Variants in HDGFL3 observed in about 807,000 individuals in gnomAD.
The protein encoded by HDGFL3 is hepatoma-derived growth factor-related protein 3.
A neutral mutation model predicts 27.6 loss-of-function variants in HDGFL3; 6 were observed. That is an observed-to-expected ratio of 0.22 (90% CI 0.12 to 0.43). The LOEUF (loss-of-function observed/expected upper bound fraction) is 0.43. HDGFL3 is among the 20% of genes least tolerant of loss of function. The pLI is 1.00. For missense variants in HDGFL3, 207 were observed against 250.1 expected, an observed-to-expected ratio of 0.83 and a Z score of 1.16; for synonymous variants, 88 against 88.9, an observed-to-expected ratio of 0.99 and a Z score of 0.05.
At chr15:83,177,031 C>A (rs1343831176) in intron 1 of HDGFL3, among the ~76,000 whole-genome samples, 2 of 141,294 alleles carry the variant, frequency 1.4e-5, no homozygotes, top group Non-Finnish European at 3.1e-5. Context: ...AATTCTCCTG[C>A]CTCAGCCGCC....
intron 5 of HDGFL3, among the ~76,000 whole-genome samples, chr15:83,147,229 A>G (rs1417284742): frequency 1.3e-5 from 2 of 151,788 alleles, no homozygotes; most frequent in Admixed American, 1.3e-4. Flanking sequence ...CACTCAGCCA[A>G]TTTTTGTATT....
At chr15:83,176,120 A>G (rs1343244623) in intron 1 of HDGFL3, among the ~76,000 whole-genome samples, 2 of 152,220 alleles carry the variant, frequency 1.3e-5, no homozygotes, top group Non-Finnish European at 2.9e-5. Context: ...GCCCTTTGAG[A>G]TCTAGATTGC....
intron 1 of HDGFL3, among the ~76,000 whole-genome samples, chr15:83,188,682 C>T (rs72758319): frequency 0.07 from 10,700 of 152,144 alleles, 500 homozygotes; most frequent in Admixed American, 0.13. Context: ...CCTATCTTAC[C>T]ATCCACTTCT....
intron 3 of HDGFL3, chr15:83,122,001 T>C: frequency 6.2e-7 from 1 of 1,609,040 alleles, no homozygotes. Context: ...GGAAACATTG[T>C]AGGTAAGAAA....
chr15:83,148,807 T>C (rs11852496), intron 5 of HDGFL3, among the ~76,000 whole-genome samples: 37,288 of 151,888 alleles, frequency 0.25, 4,808 homozygotes, highest in African/African-American at 0.31. Context: ...GAGTGAATGT[T>C]ATAAGTTTTT....
At chr15:83,193,981 G>A (rs2037542047) in intron 1 of HDGFL3, among the ~76,000 whole-genome samples, 1 of 152,044 alleles carries the variant, frequency 6.6e-6, no homozygotes, top group Admixed American at 6.5e-5. Flanking sequence ...TCTTTCCTGG[G>A]CAAAGCCAAG....
intron 5 of HDGFL3, 65 bp from the exon 6 acceptor site, chr15:83,139,340 C>T: frequency 1.0e-6 from 1 of 990,756 alleles, no homozygotes; most frequent in Admixed American, 2.8e-5. Context: ...ACAATGAGAG[C>T]TATCCACACC....
At chr15:83,151,677 G>A (rs1361538007) in intron 4 of HDGFL3, among the ~76,000 whole-genome samples, 1 of 152,174 alleles carries the variant, frequency 6.6e-6, no homozygotes, top group Non-Finnish European at 1.5e-5. Flanking sequence ...AATAAATACA[G>A]CTGGATGGAC....
chr15:83,116,158 C>T (rs147660106), intron 3 of HDGFL3, among the ~76,000 whole-genome samples: 17 of 152,206 alleles, frequency 1.1e-4, no homozygotes, highest in African/African-American at 3.9e-4. Flanking sequence ...TCAGCTCTCA[C>T]GGCTTCTCTC....
chr15:83,116,660 G>A lies in HDGFL3; in HGVS notation c.394-919C>T, dbSNP rs183956516. Among the ~76,000 whole-genome samples the A allele has an allele frequency of 3.3e-5, 5 of 152,328 alleles. No homozygotes were observed. In the East Asian group the frequency reaches 7.7e-4, roughly 23 times the overall value. ...AGGATGGGCTTGCAGGGAAGGGTCC[G>A]TGCCATGAGCTGGGGCACCAGTCAG... On this transcript the variant is annotated intron_variant, in intron 3 of 3. Transcript: ENST00000568294.
In HDGFL3 at chr15:83,128,633, A is replaced by C. The variant is rs757591889; in HGVS notation, c.*10637T>G. ...TCCCAGACTCCTGTATTTCATTCCA[A>C]ACTCAGTCTTTTTACTTGCATGCCT... On this transcript the variant is annotated 3_prime_UTR_variant, in exon 6 of 6. Transcript: ENST00000299633. 1 of 152,048 alleles carries C rather than the reference A, an allele frequency of 6.6e-6. No homozygotes were observed. The highest frequency in any genetic ancestry group is 1.5e-5 in the Non-Finnish European group (1 of 68,028). The allele number at this position is 152,048 out of a possible 1,614,324, so 9.4% of individuals were successfully genotyped here. A position where few individuals can be genotyped will look rare whatever the true frequency, so the allele number is the denominator to read the frequency against.
At chr15:83,198,520 T>C (rs1196893279) in intron 1 of HDGFL3, among the ~76,000 whole-genome samples, 1 of 152,202 alleles carries the variant, frequency 6.6e-6, no homozygotes. Flanking sequence ...AGGTGCATCT[T>C]AGTCCATTTT....
At position 83,138,488 on chromosome 15, in the gene HDGFL3, T is replaced by C. The variant is rs2036700304; in HGVS notation, c.*782A>G. ...TATTTTAAAAGTCTACATTTAAAAG[T>C]CAATGCTTTGTCTGGTTTCCCATAG... is the stretch of plus-strand genomic sequence containing the variant. On this transcript the variant is annotated 3_prime_UTR_variant, in exon 6 of 6. Coordinates refer to ENST00000299633, the MANE Select transcript of HDGFL3 (RefSeq NM_016073.4). The C allele has an allele frequency of 6.6e-6, 1 of 152,600 alleles. No homozygotes were observed. Among genetic ancestry groups the C allele is most frequent in the South Asian group, 2.1e-4 (1 of 4,836 alleles). 9.5% of individuals were successfully genotyped at this position (152,600 alleles called of 1,614,324 possible). A position where few individuals can be genotyped will look rare whatever the true frequency, so the allele number is the denominator to read the frequency against.
rs2035963162 is a variant in HDGFL3, at chr15:83,128,476, T to C, written c.*10794A>G. ...ATTGCTCTTTGCTGGTTGTTTTTCCTTTGCAGACCTCTAAATACCTGATTC... is the reference window on the plus strand; with the variant it reads ...ATTGCTCTTTGCTGGTTGTTTTTCCCTTGCAGACCTCTAAATACCTGATTC... On this transcript the variant is annotated 3_prime_UTR_variant, in exon 6 of 6. Transcript: ENST00000299633. 1 of 152,220 alleles carries C rather than the reference T, an allele frequency of 6.6e-6. No individual in the cohort carries two copies. The highest frequency in any genetic ancestry group is 2.1e-4 in the South Asian group (1 of 4,832). The allele number at this position is 152,220 out of a possible 1,614,324, so 9.4% of individuals were successfully genotyped here.
At chr15:83,206,925 C>G (rs889268690) in intron 1 of HDGFL3, among the ~76,000 whole-genome samples, 2 of 152,182 alleles carry the variant, frequency 1.3e-5, no homozygotes, top group Non-Finnish European at 2.9e-5. Context: ...CGCGGACAGC[C>G]GCTCACCCCG....
intron 1 of HDGFL3, among the ~76,000 whole-genome samples, chr15:83,176,023 C>G (rs1475947928): frequency 6.6e-6 from 1 of 152,228 alleles, no homozygotes; most frequent in Non-Finnish European, 1.5e-5. Context: ...GGTACCTAAT[C>G]TCTGTTGGAT....
At chr15:83,122,563 A>G (rs1205086120) in intron 3 of HDGFL3, among the ~76,000 whole-genome samples, 1 of 152,170 alleles carries the variant, frequency 6.6e-6, no homozygotes, top group African/African-American at 2.4e-5. Flanking sequence ...GGGCTCAAGC[A>G]GATTACTGTA....
chr15:83,180,695 G>C (rs1342219545), intron 1 of HDGFL3: 1 of 148,326 alleles, frequency 6.7e-6, no homozygotes, highest in African/African-American at 2.5e-5. Context: ...GCCCAGGCTG[G>C]AATGGAGTGG....
At position 83,138,869 on chromosome 15, in the gene HDGFL3, G is replaced by A. The variant is rs2036710093; in HGVS notation, c.*401C>T. 6.4e-6 allele frequency: 1 copy of A among 155,520 alleles called. No homozygotes were observed. Among genetic ancestry groups the A allele is most frequent in the Non-Finnish European group, 1.4e-5 (1 of 70,424 alleles). 9.6% of individuals were successfully genotyped at this position (155,520 alleles called of 1,614,324 possible). A position where few individuals can be genotyped will look rare whatever the true frequency, so the allele number is the denominator to read the frequency against. ...CACAGAGAGGAAATTCCATTCTTAA[G>A]CATTATGTTGAGTGGTCATCTAAAA... is the stretch of plus-strand genomic sequence containing the variant. On this transcript the variant is annotated 3_prime_UTR_variant, in exon 6 of 6. Transcript: ENST00000299633.
Sources: allele counts gnomAD v4.1 joint callset (sites outside exome capture counted in the v4.1 genomes callset), GRCh38; gene constraint gnomAD v4.1.1; transcripts MANE v1.5; gene names NCBI Gene and HGNC (gene_info 2026-07-23, HGNC 2026-07-21).